The following ZSCAN5A variants were observed in gnomAD, a reference collection of about 807,000 sequenced individuals.
ZSCAN5A encodes zinc finger and SCAN domain containing 5A.
ZSCAN5A carries 12 observed loss-of-function variants against 23.7 expected under a neutral mutation model. The ratio of observed to expected loss-of-function variants is 0.51; its 90% confidence interval spans 0.32 to 0.82. The LOEUF (loss-of-function observed/expected upper bound fraction) is 0.82, where lower values mean the gene tolerates loss of function less well. Among genes scored for constraint, ZSCAN5A ranks in the 40% least tolerant of loss-of-function variants. The pLI is 0.03. For synonymous variants in ZSCAN5A, 257 were observed against 239.9 expected (o/e 1.07, Z -0.66); for missense variants, 597 against 617.9 (o/e 0.97, Z 0.36).
intron 2 of ZSCAN5A, among the ~76,000 whole-genome samples, chr19:56,292,252 A>G (rs1366490872): frequency 6.6e-6 from 1 of 152,196 alleles, no homozygotes; most frequent in East Asian, 1.9e-4. Context: ...AAATTGTAGT[A>G]AAATATACAA....
In ZSCAN5A at chr19:56,352,995, G is replaced by A. The variant is rs1328211151; in HGVS notation, c.-358+10240C>T. On this transcript the variant is annotated intron_variant, in intron 2 of 6. Transcript: ENST00000587340. This position sits in a 1 kb window ranked among gnomAD's most constrained non-coding sequence, Gnocchi z 4.2. Reference sequence around the variant, plus strand: ...CCTGTGCATTGTAGGATGTTTAGCTGCATCCCTGGCCCCTGCCCACTGGAG... The same window carrying A: ...CCTGTGCATTGTAGGATGTTTAGCTACATCCCTGGCCCCTGCCCACTGGAG... Among the ~76,000 whole-genome samples, 1 of 152,226 alleles carries A rather than the reference G, an allele frequency of 6.6e-6. No individual in the cohort carries two copies. Among genetic ancestry groups the A allele is most frequent in the African/African-American group, 2.4e-5 (1 of 41,466 alleles).
chr19:56,222,529 C>T, intron 5 of ZSCAN5A, 62 bp downstream of exon 5: 2 of 1,582,928 alleles, frequency 1.3e-6, no homozygotes, highest in Non-Finnish European at 1.7e-6. Context: ...AATGCTGGGC[C>T]CCCAGCCCCG....
rs758587498 is a variant in ZSCAN5A at position 56,221,558 on chromosome 19, T to C, written c.*17A>G. On this transcript the variant is annotated 3_prime_UTR_variant, in exon 6 of 6. Transcript: ENST00000683990. Reference sequence around the variant, plus strand: ...TCACTTCTTCTTGGTGCAGAAGGCATAGACCGGATTATGCAATCACTGAGA... The same window carrying C: ...TCACTTCTTCTTGGTGCAGAAGGCACAGACCGGATTATGCAATCACTGAGA... 4.5e-6 allele frequency: 7 copies of C among 1,568,640 alleles called. No homozygotes were observed. The South Asian group carries it at 4.8e-5, about 11-fold the overall frequency.
chr19:56,271,502 G>A (rs1416713342), intron 2 of ZSCAN5A, among the ~76,000 whole-genome samples: 1 of 152,204 alleles, frequency 6.6e-6, no homozygotes, highest in Non-Finnish European at 1.5e-5. Context: ...TCCCGGTGAT[G>A]AGTTGCCAGG....
intron 2 of ZSCAN5A, chr19:56,283,149 T>C (rs938369139): frequency 6.6e-6 from 1 of 152,254 alleles, no homozygotes; most frequent in Non-Finnish European, 1.5e-5. Context: ...TTGCAAAACA[T>C]TTTCAACTCC....
At position 56,298,076 on chromosome 19, in the gene ZSCAN5A, A is replaced by G. The variant is rs1234581735; in HGVS notation, c.-128+15207T>C. On this transcript the variant is annotated intron_variant, in intron 2 of 5. Transcript: ENST00000683990. ...GTAACTGAGCAAGTCTCAAAAAAAA[A>G]AAAAAAAGCCAGAACAACACTAATG... 4 of 152,200 alleles carry G rather than the reference A, an allele frequency of 2.6e-5. No individual in the cohort carries two copies. The East Asian group carries it at 7.7e-4, about 29-fold the overall frequency. 9.4% of individuals were successfully genotyped at this position (152,200 alleles called of 1,614,324 possible).
intron 2 of ZSCAN5A, chr19:56,247,229 CAT>C (rs767175548): frequency 1.1e-5 from 5 of 469,860 alleles, no homozygotes; most frequent in South Asian, 6.9e-5. Flanking sequence ...AAGCCCTACA[CAT>C]GTGACATCTG....
chr19:56,301,646 G>A (rs1433016162), intron 2 of ZSCAN5A, among the ~76,000 whole-genome samples: 1 of 152,100 alleles, frequency 6.6e-6, no homozygotes, highest in African/African-American at 2.4e-5. Context: ...ATTTTACCCA[G>A]CCCCTATTCA....
intron 2 of ZSCAN5A, among the ~76,000 whole-genome samples, chr19:56,273,113 T>A (rs1272542478): frequency 6.6e-6 from 1 of 152,240 alleles, no homozygotes; most frequent in Non-Finnish European, 1.5e-5. Context: ...CCCTTGGAGA[T>A]ACACTTGTGT....
chr19:56,244,131 A>C (rs925159594), intron 2 of ZSCAN5A: 206 of 1,590,050 alleles, frequency 1.3e-4, no homozygotes, highest in Middle Eastern at 3.3e-4. Context: ...GCTTCCCCAG[A>C]AACTCAACTT....
chr19:56,282,056 A>G (rs773758425), intron 2 of ZSCAN5A, among the ~76,000 whole-genome samples: 6 of 152,260 alleles, frequency 3.9e-5, no homozygotes, highest in Non-Finnish European at 7.4e-5. Context: ...TAGAATGTAC[A>G]CCTGGGTTAG....
chr19:56,286,951 C>T (rs554984485), intron 2 of ZSCAN5A, among the ~76,000 whole-genome samples: 33 of 152,366 alleles, frequency 2.2e-4, no homozygotes, highest in Middle Eastern at 6.8e-3. Context: ...GTTTTCTTCC[C>T]GGTAAACCAG....
rs907283300 is a variant in ZSCAN5A at position 56,341,722 on chromosome 19, A to C, written c.-358+21513T>G. Among the ~76,000 whole-genome samples, 62 of 150,786 alleles carry C rather than the reference A, an allele frequency of 4.1e-4. 1 individual carries two copies. In the South Asian group the frequency reaches 4.4e-3, roughly 11 times the overall value. ...AAAGGCAAAAAAAAAAAAAAAAAAA[A>C]AAAAACCCTTCTGCAGTGCACAGAA... is the stretch of plus-strand genomic sequence containing the variant. On this transcript the variant is annotated intron_variant, in intron 2 of 6. Coordinates refer to the ZSCAN5A transcript ENST00000587340.
chr19:56,343,317 G>T, intron 2 of ZSCAN5A: 1 of 668,218 alleles, frequency 1.5e-6, no homozygotes, highest in South Asian at 1.5e-5. Context: ...CTACTGGAGT[G>T]GTGTGCAAAG....
intron 2 of ZSCAN5A, among the ~76,000 whole-genome samples, chr19:56,242,892 C>T (rs1021884817): frequency 2.6e-5 from 4 of 152,100 alleles, no homozygotes; most frequent in Non-Finnish European, 5.9e-5. Flanking sequence ...GATTCTCCTG[C>T]CTCAGACTGC....
chr19:56,244,873 A>C (rs944190124), intron 2 of ZSCAN5A, among the ~76,000 whole-genome samples: 2 of 151,820 alleles, frequency 1.3e-5, no homozygotes, highest in Non-Finnish European at 2.9e-5. Flanking sequence ...GAAGCAGGGA[A>C]AGTGGTTGGT....
intron 2 of ZSCAN5A, among the ~76,000 whole-genome samples, chr19:56,268,016 A>G (rs1568670369): frequency 6.6e-6 from 1 of 152,170 alleles, no homozygotes; most frequent in African/African-American, 2.4e-5. Context: ...ATCCGATGAC[A>G]CTTTTCAGGT....
At chr19:56,359,912 T>C (rs185235281) in intron 2 of ZSCAN5A, among the ~76,000 whole-genome samples, 24 of 152,286 alleles carry the variant, frequency 1.6e-4, no homozygotes, top group African/African-American at 4.3e-4. Context: ...AAACTAGGTA[T>C]TGATGGCACA....
At chr19:56,279,905 A>G (rs906755448) in intron 2 of ZSCAN5A, among the ~76,000 whole-genome samples, 1 of 152,110 alleles carries the variant, frequency 6.6e-6, no homozygotes, top group Non-Finnish European at 1.5e-5. Context: ...ATTTACATAA[A>G]CTTTAATTAC....
Sources: allele counts gnomAD v4.1 joint callset (sites outside exome capture counted in the v4.1 genomes callset), GRCh38; gene constraint gnomAD v4.1.1; non-coding constraint Gnocchi (gnomAD v3.1); transcripts MANE v1.5; gene names NCBI Gene and HGNC (gene_info 2026-07-23, HGNC 2026-07-21).